The following ANKHD1 variants were observed in gnomAD, a reference collection of about 807,000 sequenced individuals.
ANKHD1 encodes ankyrin repeat and KH domain-containing protein 1.
Under a neutral mutation model 230.5 loss-of-function variants are expected in ANKHD1, and 31 were observed. The observed-to-expected ratio is 0.13, with a 90% CI of 0.10 to 0.18. The LOEUF is 0.18. Ranked by LOEUF, ANKHD1 falls within the 10% of genes least tolerant of loss-of-function variation. ANKHD1 has a pLI of 1.00. For synonymous variants in ANKHD1, 1,074 were observed against 1,117.6 expected, an observed-to-expected ratio of 0.96 and a Z score of 0.78; for missense variants, 2,256 against 3,071.3, an observed-to-expected ratio of 0.73 and a Z score of 6.27.
Position 140,538,912 on chromosome 5 carries a change from G to A in ANKHD1, c.7405-7G>A. On this transcript the variant is annotated splice_region_variant and splice_polypyrimidine_tract_variant and intron_variant, in intron 32 of 33. Transcript: ENST00000360839. The stretch of plus-strand genomic sequence containing the variant: ...TTAAGATTAAATCTTTTTTCCTGCT[G>A]TTTTAGGGTCTGCCAATTTCCATGT... The A allele has an allele frequency of 1.3e-6, 2 of 1,525,174 alleles. No homozygotes were observed. Among genetic ancestry groups the A allele is most frequent in the East Asian group, 2.4e-5 (1 of 42,472 alleles). The allele number at this position is 1,525,174 out of a possible 1,614,324, so 94.5% of individuals were successfully genotyped here. A position where few individuals can be genotyped will look rare whatever the true frequency, so the allele number is the denominator to read the frequency against.
chr5:140,440,535 A>G (rs1192074254), intron 4 of ANKHD1, among the ~76,000 whole-genome samples: 1 of 152,186 alleles, frequency 6.6e-6, no homozygotes, highest in African/African-American at 2.4e-5. Context: ...AATAATTTTA[A>G]ATTTGTCCTT....
intron 15 of ANKHD1, chr5:140,498,146 G>T (rs1416531126): frequency 2.0e-5 from 3 of 152,254 alleles, no homozygotes; most frequent in African/African-American, 7.2e-5. Flanking sequence ...GCTGTTGACA[G>T]TGGATGAAGA....
At chr5:140,508,460 G>C (rs1367021406) in intron 20 of ANKHD1, among the ~76,000 whole-genome samples, 1 of 152,008 alleles carries the variant, frequency 6.6e-6, no homozygotes, top group Non-Finnish European at 1.5e-5. Context: ...TAAGAAAATA[G>C]GAGTTAGTGG....
intron 31 of ANKHD1, 117 bp downstream of exon 31, chr5:140,537,706 C>T (rs1014509219): frequency 2.2e-6 from 3 of 1,391,488 alleles, no homozygotes; most frequent in African/African-American, 2.9e-5. Flanking sequence ...ATGTTTAACA[C>T]TCAATTAGGG....
intron 10 of ANKHD1, among the ~76,000 whole-genome samples, chr5:140,480,651 C>T (rs1751234112): frequency 6.6e-6 from 1 of 152,074 alleles, no homozygotes; most frequent in African/African-American, 2.4e-5. Context: ...TTAACTACTA[C>T]TCTTAATTTC....
intron 24 of ANKHD1, among the ~76,000 whole-genome samples, chr5:140,518,490 G>T (rs1005900802): frequency 6.7e-6 from 1 of 149,538 alleles, no homozygotes; most frequent in Non-Finnish European, 1.5e-5. Context: ...AACCAAATAA[G>T]AGAATTTTAG....
At chr5:140,449,620 C>A (rs1774550104) in intron 7 of ANKHD1, among the ~76,000 whole-genome samples, 1 of 146,824 alleles carries the variant, frequency 6.8e-6, no homozygotes, top group Admixed American at 6.9e-5. Flanking sequence ...AGAGATTGCG[C>A]AACTGCACTC....
intron 29 of ANKHD1, among the ~76,000 whole-genome samples, chr5:140,532,205 T>TAA (rs78497065): frequency 8.4e-4 from 107 of 126,652 alleles, no homozygotes; most frequent in African/African-American, 3.0e-3. Context: ...GACTCTGTCT[T>TAA]AAAAAAAAAA....
At chr5:140,409,464 T>G (rs2126843498) in intron 1 of ANKHD1, among the ~76,000 whole-genome samples, 1 of 152,288 alleles carries the variant, frequency 6.6e-6, no homozygotes, top group East Asian at 1.9e-4. Flanking sequence ...ACATAGGAAA[T>G]ATAACTTTGT....
At chr5:140,442,710 A>G (rs1393237568) in intron 5 of ANKHD1, among the ~76,000 whole-genome samples, 2 of 152,168 alleles carry the variant, frequency 1.3e-5, no homozygotes, top group Non-Finnish European at 2.9e-5. Context: ...TGCTCATTGT[A>G]AGAACATTTC....
chr5:140,417,662 C>T (rs1280808557), intron 1 of ANKHD1, among the ~76,000 whole-genome samples: 1 of 151,854 alleles, frequency 6.6e-6, no homozygotes, highest in East Asian at 1.9e-4. Context: ...GTTGCCCAGG[C>T]TGGTGGTCCT....
Position 140,401,931 on chromosome 5 carries a change from A to G in ANKHD1, c.-37A>G, listed in dbSNP as rs763558185. The G allele has an allele frequency of 1.3e-6, 2 of 1,528,084 alleles. No homozygotes were observed. Among genetic ancestry groups the G allele is most frequent in the South Asian group, 1.2e-5 (1 of 80,136 alleles). 94.7% of individuals were successfully genotyped at this position (1,528,084 alleles called of 1,614,324 possible). On this transcript the variant is annotated 5_prime_UTR_variant, in exon 1 of 34. Coordinates refer to ENST00000360839, the MANE Select transcript of ANKHD1 (RefSeq NM_017747.3). ...GAGATCAGCGGCGGCGGTGACCGCG[A>G]GTGGGTCGGCACCGTCTCCGGCTCC... is the stretch of plus-strand genomic sequence containing the variant.
chr5:140,413,400 A>T (rs1482756125), intron 1 of ANKHD1, among the ~76,000 whole-genome samples: 2 of 152,174 alleles, frequency 1.3e-5, no homozygotes, highest in Non-Finnish European at 2.9e-5. Context: ...CAGTGGCATT[A>T]AGTGTATTTA....
At chr5:140,522,852 T>C (rs1394582521) in intron 24 of ANKHD1, among the ~76,000 whole-genome samples, 1 of 152,144 alleles carries the variant, frequency 6.6e-6, no homozygotes, top group African/African-American at 2.4e-5. Flanking sequence ...TCTTTCTGAT[T>C]GTAGCCATCC....
chr5:140,517,116 C>CA (rs1161103441), intron 24 of ANKHD1, among the ~76,000 whole-genome samples: 2 of 144,580 alleles, frequency 1.4e-5, no homozygotes, highest in Non-Finnish European at 3.0e-5. Context: ...AAATGGAAAA[C>CA]AAAAAAAGGC....
Position 140,528,863 on chromosome 5 carries a change from G to A in ANKHD1, c.5917G>A (p.Ala1973Thr), listed in dbSNP as rs1273124542. 6.2e-7 allele frequency: 1 copy of A among 1,613,910 alleles called. No homozygotes were observed. The highest frequency in any genetic ancestry group is 2.2e-5 in the East Asian group (1 of 44,902). Reference sequence around the variant, plus strand: ...CTGTGTGCCTAAGACAAGTCCTCCAGCAACAGTGATTTCTTCTGTGACAAG... The same window carrying A: ...CTGTGTGCCTAAGACAAGTCCTCCAACAACAGTGATTTCTTCTGTGACAAG... ...FACVPKTSPP[A>T]TVISSVTSTC... The change falls in exon 29 of 34, where the codon GCA (alanine) becomes ACA (threonine). Residue 1973 changes from alanine to threonine, a missense_variant. By Grantham distance (58) the Ala-to-Thr change is moderately conservative. Around this residue, in one of 13 missense-constraint regions of ANKHD1, gnomAD observed 778 missense variants for 966.5 expected, o/e 0.80. Transcript: ENST00000360839.
chr5:140,464,630 A>C, intron 9 of ANKHD1, 37 bp from the exon 10 acceptor site: 2 of 1,484,576 alleles, frequency 1.3e-6, no homozygotes, highest in Non-Finnish European at 1.8e-6. Context: ...ACAATTTTAC[A>C]GTTCACAAAG....
At position 140,449,200 on chromosome 5, in the gene ANKHD1, C is replaced by CT. The variant is rs1208447608; in HGVS notation, c.1148-5dup. ...GTGAATTCTTTTAAAATTTTTGTTC[C>CT]TTTTTTCAAGGCCATTTGGATATGG... is the stretch of plus-strand genomic sequence containing the variant. On this transcript the variant is annotated splice_polypyrimidine_tract_variant and intron_variant, in intron 6 of 33. Coordinates refer to ENST00000360839, the MANE Select transcript of ANKHD1 (RefSeq NM_017747.3). 1.9e-6 allele frequency: 3 copies of CT among 1,595,908 alleles called. No individual in the cohort carries two copies. The highest frequency in any genetic ancestry group is 3.4e-5 in the Admixed American group (2 of 58,144).
intron 1 of ANKHD1, among the ~76,000 whole-genome samples, chr5:140,434,416 A>T (rs1773285508): frequency 6.7e-6 from 1 of 149,884 alleles, no homozygotes; most frequent in South Asian, 2.1e-4. Flanking sequence ...TAATATATAT[A>T]GTATATATAT....
Sources: gnomAD v4.1 joint callset for allele counts (sites outside exome capture counted in the v4.1 genomes callset) on GRCh38, gnomAD v4.1.1 for gene constraint, gnomAD v4.1.1 regional missense constraint, MANE v1.5 for transcripts, NCBI Gene and HGNC (gene_info 2026-07-23, HGNC 2026-07-21) for gene names.